ATP9B: variants seen among roughly 807,000 people sequenced by gnomAD.
The protein encoded by ATP9B is ATPase phospholipid transporting 9B.
A neutral mutation model predicts 146.1 loss-of-function variants in ATP9B; 110 were observed. The ratio of observed to expected loss-of-function variants is 0.75; its 90% CI spans 0.65 to 0.88. The LOEUF (loss-of-function observed/expected upper bound fraction) is 0.88, where lower values mean the gene tolerates loss of function less well. Ranked by LOEUF, ATP9B falls within the 40% of genes least tolerant of loss-of-function variation. The pLI is 0.00. For missense variants in ATP9B, 1,499 were observed against 1,496.4 expected (o/e 1.00, Z -0.03); for synonymous variants, 604 against 569.7 (o/e 1.06, Z -0.86).
At chr18:79,084,400 T>C (rs1318821691) in intron 1 of ATP9B, among the ~76,000 whole-genome samples, 2 of 152,130 alleles carry the variant, frequency 1.3e-5, no homozygotes, top group Non-Finnish European at 2.9e-5. Context: ...ATTTTAACTA[T>C]TTATAACAAG....
chr18:79,110,308 T>C (rs1240215220), intron 2 of ATP9B, 47 bp from the exon 3 acceptor site: 1 of 1,490,096 alleles, frequency 6.7e-7, no homozygotes, highest in African/African-American at 1.5e-5. Flanking sequence ...TGAACTTTTT[T>C]AAAAAGCAAA....
intron 5 of ATP9B, among the ~76,000 whole-genome samples, chr18:79,126,972 A>G (rs367696216): frequency 3.3e-5 from 5 of 152,338 alleles, no homozygotes; most frequent in African/African-American, 1.2e-4. Flanking sequence ...GGGGGAAACG[A>G]TGACAAGTAG....
intron 17 of ATP9B, among the ~76,000 whole-genome samples, chr18:79,334,697 C>T (rs949619959): frequency 2.6e-5 from 4 of 152,110 alleles, no homozygotes; most frequent in Non-Finnish European, 2.9e-5. Flanking sequence ...TGGGCAGGAC[C>T]GTGTGTGCTC....
intron 13 of ATP9B, among the ~76,000 whole-genome samples, chr18:79,302,690 A>C (rs2096598897): frequency 1.3e-5 from 2 of 152,202 alleles, no homozygotes; most frequent in South Asian, 4.1e-4. Flanking sequence ...AGCAGGCATT[A>C]GGGAAGCACA....
At chr18:79,110,775 T>A (rs2075958371) in intron 3 of ATP9B, among the ~76,000 whole-genome samples, 1 of 152,272 alleles carries the variant, frequency 6.6e-6, no homozygotes. Context: ...TTTATATTAT[T>A]TTAGAAATAT....
At chr18:79,192,344 G>C (rs527276117) in intron 8 of ATP9B, among the ~76,000 whole-genome samples, 5 of 152,216 alleles carry the variant, frequency 3.3e-5, no homozygotes, top group African/African-American at 1.2e-4. Flanking sequence ...TCATGGGTTG[G>C]GGGGCGGGTC....
chr18:79,290,081 G>C (rs1468934647), intron 13 of ATP9B, among the ~76,000 whole-genome samples: 3 of 152,128 alleles, frequency 2.0e-5, no homozygotes, highest in Non-Finnish European at 4.4e-5. Context: ...ACCCACTTGA[G>C]GAGGCAGTCT....
chr18:79,304,770 A>G (rs1276647637), intron 14 of ATP9B, among the ~76,000 whole-genome samples: 3 of 152,312 alleles, frequency 2.0e-5, no homozygotes, highest in Middle Eastern at 6.8e-3. Context: ...TGTGCCTGTC[A>G]TAATTTGAAG....
intron 12 of ATP9B, among the ~76,000 whole-genome samples, chr18:79,276,458 T>A (rs965536221): frequency 3.9e-5 from 6 of 152,262 alleles, no homozygotes; most frequent in African/African-American, 1.4e-4. Flanking sequence ...TGTTCTGTTT[T>A]CCAGTTTAGC....
At chr18:79,372,611 G>T (rs1268463620) in intron 26 of ATP9B, 1 of 665,758 alleles carries the variant, frequency 1.5e-6, no homozygotes, top group East Asian at 2.9e-5. Context: ...CTAACCTCAG[G>T]CACCAGTGGA....
At chr18:79,169,519 C>T (rs1426560611) in intron 7 of ATP9B, among the ~76,000 whole-genome samples, 2 of 152,156 alleles carry the variant, frequency 1.3e-5, no homozygotes, top group East Asian at 1.9e-4. Flanking sequence ...AGCGTTCCCA[C>T]GGAGTGTTTT....
intron 6 of ATP9B, among the ~76,000 whole-genome samples, chr18:79,147,499 G>A (rs527338601): frequency 6.6e-6 from 1 of 152,228 alleles, no homozygotes; most frequent in Non-Finnish European, 1.5e-5. Flanking sequence ...TTCTCTCACT[G>A]TAATAGAATT....
intron 11 of ATP9B, among the ~76,000 whole-genome samples, chr18:79,250,778 C>T (rs1162532156): frequency 6.6e-6 from 1 of 152,164 alleles, no homozygotes; most frequent in East Asian, 1.9e-4. Flanking sequence ...AACTTCAGAA[C>T]TGGTTGAGTA....
At chr18:79,278,948 A>G (rs888910465) in intron 13 of ATP9B, among the ~76,000 whole-genome samples, 5 of 152,224 alleles carry the variant, frequency 3.3e-5, no homozygotes, top group African/African-American at 1.2e-4. Flanking sequence ...ATCAGTTTGC[A>G]GGTGAGAGCA....
chr18:79,139,770 ATTCT>A (rs1163782718), intron 5 of ATP9B, among the ~76,000 whole-genome samples: 2 of 152,036 alleles, frequency 1.3e-5, no homozygotes, highest in African/African-American at 4.8e-5. Flanking sequence ...TGTCTTATTC[ATTCT>A]TTCTATTTTT....
intron 13 of ATP9B, among the ~76,000 whole-genome samples, chr18:79,292,472 A>G (rs2096515381): frequency 6.6e-6 from 1 of 151,726 alleles, no homozygotes; most frequent in South Asian, 2.1e-4. Flanking sequence ...AAAATATTTC[A>G]TTGTGTTAAG....
chr18:79,374,081 CT>C lies in ATP9B; in HGVS notation c.3258del (p.Leu1087SerfsTer7). The C allele has an allele frequency of 1.2e-6, 2 of 1,614,188 alleles. No homozygotes were observed. Among genetic ancestry groups the C allele is most frequent in the Non-Finnish European group, 1.7e-6 (2 of 1,180,038 alleles). On this transcript the variant is annotated frameshift_variant, in exon 28 of 30. Coordinates refer to ENST00000426216, the MANE Select transcript of ATP9B (RefSeq NM_198531.5). LOFTEE classifies it high-confidence loss of function. ...TTAGGCTGCTACGTGTCCTCACTCGCTTTTCTCAATGAATATTTTGGTAAGT... is the reference window on the plus strand; with the variant it reads ...TTAGGCTGCTACGTGTCCTCACTCGCTTTCTCAATGAATATTTTGGTAAGT... ...LSLGCYVSSL[A>X]FLNEYFGIGR...
chr18:79,335,915 C>T (rs887147684), intron 17 of ATP9B, among the ~76,000 whole-genome samples: 11 of 152,318 alleles, frequency 7.2e-5, no homozygotes, highest in African/African-American at 9.6e-5. Flanking sequence ...GGCCCAGCCA[C>T]CTGGTTCTAA....
At chr18:79,269,363 T>C (rs1406036461) in intron 12 of ATP9B, among the ~76,000 whole-genome samples, 1 of 152,246 alleles carries the variant, frequency 6.6e-6, no homozygotes, top group Non-Finnish European at 1.5e-5. Flanking sequence ...TTTGACTGTG[T>C]GTAATCAGCT....
Sources: allele counts gnomAD v4.1 joint callset (sites outside exome capture counted in the v4.1 genomes callset), GRCh38; gene constraint gnomAD v4.1.1; transcripts MANE v1.5; gene names NCBI Gene and HGNC (gene_info 2026-07-23, HGNC 2026-07-21).